The following ERICH3 variants were observed in gnomAD, a reference collection of about 807,000 sequenced individuals.
ERICH3 encodes glutamate rich 3.
ERICH3 carries 126 observed loss-of-function variants against 131.1 expected under a neutral mutation model. The ratio of observed to expected loss-of-function variants is 0.96; its 90% CI spans 0.83 to 1.11. The LOEUF (loss-of-function observed/expected upper bound fraction) is 1.11. Ranked by LOEUF, ERICH3 falls within the 50% of genes most tolerant of loss-of-function variation. The pLI, the probability that ERICH3 is intolerant of heterozygous loss-of-function variation, is 0.00. For missense variants in ERICH3, 2,050 were observed against 1,810.7 expected, an observed-to-expected ratio of 1.13 and a Z score of -2.40; for synonymous variants, 695 against 644.6, an observed-to-expected ratio of 1.08 and a Z score of -1.18.
intron 3 of ERICH3, 96 bp from the exon 4 acceptor site, chr1:74,643,194 A>G: frequency 3.7e-6 from 3 of 809,294 alleles, no homozygotes; most frequent in Admixed American, 2.4e-5. Context: ...TATATTCTCA[A>G]TTAGTCCTCT....
chr1:74,629,727 T>G (rs1423241020), intron 7 of ERICH3, among the ~76,000 whole-genome samples: 1 of 152,154 alleles, frequency 6.6e-6, no homozygotes, highest in South Asian at 2.1e-4. Context: ...TTAAAACTGT[T>G]TAAAAACCAA....
intron 12 of ERICH3, chr1:74,579,432 C>T (rs1470081581): frequency 1.1e-5 from 11 of 985,220 alleles, no homozygotes; most frequent in Non-Finnish European, 1.3e-5. Flanking sequence ...CTTGTAGTCC[C>T]TCTGTCTCAG....
At chr1:74,580,573 T>C (rs1406431287) in intron 12 of ERICH3, among the ~76,000 whole-genome samples, 2 of 152,234 alleles carry the variant, frequency 1.3e-5, no homozygotes, top group Non-Finnish European at 2.9e-5. Flanking sequence ...TGCACTATTT[T>C]CACAATTTCC....
chr1:74,641,537 A>G lies in ERICH3; in HGVS notation c.316-78T>C, dbSNP rs1401397472. On this transcript the variant is annotated intron_variant, in intron 4 of 14. Transcript: ENST00000326665. ...AGATTATGCATGACATGTGCGAAAT[A>G]CTATATGACTAAAGAAATTCTTTCT... is the stretch of plus-strand genomic sequence containing the variant. The G allele has an allele frequency of 3.5e-6, 5 of 1,419,258 alleles. No homozygotes were observed. The East Asian group carries it at 1.2e-4, about 35-fold the overall frequency. 87.9% of individuals were successfully genotyped at this position (1,419,258 alleles called of 1,614,324 possible).
intron 10 of ERICH3, among the ~76,000 whole-genome samples, chr1:74,603,454 C>A (rs1648239289): frequency 6.6e-6 from 1 of 151,814 alleles, no homozygotes; most frequent in African/African-American, 2.4e-5. Flanking sequence ...GTGCACAGTG[C>A]CTAGTTTGGT....
At position 74,591,653 on chromosome 1, in the gene ERICH3, T is replaced by C. The variant is rs368613635; in HGVS notation, c.1727-1573A>G. Among the ~76,000 whole-genome samples, 1,095 of 152,276 alleles carry C rather than the reference T, an allele frequency of 7.2e-3. 11 individuals carry two copies. Among genetic ancestry groups the C allele is most frequent in the African/African-American group, 0.025 (1,018 of 41,548 alleles). Reference sequence around the variant, plus strand: ...TCTAGAAACTTACGGTAGCCACAGCTGGTTTATGTAATACCTAGAAAGGTT... The same window carrying C: ...TCTAGAAACTTACGGTAGCCACAGCCGGTTTATGTAATACCTAGAAAGGTT... On this transcript the variant is annotated intron_variant, in intron 11 of 14. Transcript: ENST00000326665.
At chr1:74,577,826 G>C (rs562099785) in intron 12 of ERICH3, among the ~76,000 whole-genome samples, 1 of 152,068 alleles carries the variant, frequency 6.6e-6, no homozygotes, top group Non-Finnish European at 1.5e-5. Context: ...TTCTAGGAAC[G>C]TGTGCTATGG....
In ERICH3 at chr1:74,636,272, A is replaced by G; in HGVS notation, c.603+8T>C. ...TAAAATATATTTATTGATAAAAATA[A>G]CATTTACCCCAATGGGAAACAGAGC... On this transcript the variant is annotated splice_region_variant and intron_variant, in intron 6 of 14. Transcript: ENST00000326665. 1.9e-6 allele frequency: 3 copies of G among 1,573,262 alleles called. No individual in the cohort carries two copies. The highest frequency in any genetic ancestry group is 2.6e-6 in the Non-Finnish European group (3 of 1,162,750).
intron 8 of ERICH3, among the ~76,000 whole-genome samples, chr1:74,616,229 A>C (rs1301020810): frequency 1.3e-5 from 2 of 152,054 alleles, no homozygotes; most frequent in African/African-American, 2.4e-5. Flanking sequence ...CTTGCTGGCC[A>C]GGCTGGTCTT....
At chr1:74,656,138 A>G (rs1417314480) in intron 1 of ERICH3, among the ~76,000 whole-genome samples, 1 of 152,160 alleles carries the variant, frequency 6.6e-6, no homozygotes, top group East Asian at 1.9e-4. Flanking sequence ...GTTTCCTAGA[A>G]AGAAACTGGC....
chr1:74,568,493 A>G lies in ERICH3; in HGVS notation c.*1965T>C, dbSNP rs1646897345. On this transcript the variant is annotated 3_prime_UTR_variant, in exon 15 of 15. Transcript: ENST00000326665. Reference sequence around the variant, plus strand: ...TTAGAGCTCCACAGTAATACAGCTCAGTAATAAATGAACTTGAATATAATG... The same window carrying G: ...TTAGAGCTCCACAGTAATACAGCTCGGTAATAAATGAACTTGAATATAATG... 6.6e-6 allele frequency: 1 copy of G among 152,198 alleles called. No individual in the cohort carries two copies. Among genetic ancestry groups the G allele is most frequent in the African/African-American group, 2.4e-5 (1 of 41,466 alleles). The allele number at this position is 152,198 out of a possible 1,614,324, so 9.4% of individuals were successfully genotyped here.
chr1:74,661,757 T>TTA (rs1038729420), intron 1 of ERICH3, among the ~76,000 whole-genome samples: 41 of 152,258 alleles, frequency 2.7e-4, no homozygotes, highest in African/African-American at 9.6e-4. Context: ...ATGTCGATAT[T>TTA]TATTAGCCCC....
intron 3 of ERICH3, 106 bp downstream of exon 3, chr1:74,646,561 G>T: frequency 1.4e-6 from 1 of 694,232 alleles, no homozygotes; most frequent in Non-Finnish European, 2.1e-6. Context: ...TATCATATTA[G>T]ACAAAATCAA....
intron 11 of ERICH3, 60 bp downstream of exon 11, chr1:74,599,635 G>A: frequency 7.5e-7 from 1 of 1,329,418 alleles, no homozygotes; most frequent in Non-Finnish European, 1.0e-6. Flanking sequence ...AGAAAACAAA[G>A]AAAAGTAGTA....
chr1:74,615,553 T>A (rs1648918688), intron 8 of ERICH3, among the ~76,000 whole-genome samples: 1 of 152,200 alleles, frequency 6.6e-6, no homozygotes, highest in Admixed American at 6.5e-5. Flanking sequence ...ATATCAAATG[T>A]GTTCTCCTGA....
intron 11 of ERICH3, among the ~76,000 whole-genome samples, chr1:74,594,641 G>A (rs1480159948): frequency 6.6e-6 from 1 of 152,070 alleles, no homozygotes; most frequent in Non-Finnish European, 1.5e-5. Flanking sequence ...TCGCATGAGG[G>A]AAATAGATCC....
At chr1:74,573,737 A>G (rs900892499) in intron 13 of ERICH3, among the ~76,000 whole-genome samples, 5 of 152,172 alleles carry the variant, frequency 3.3e-5, no homozygotes, top group Non-Finnish European at 7.3e-5. Context: ...ACACATTGAT[A>G]TTAAAGAAAA....
At chr1:74,620,250 T>C (rs1275602251) in intron 8 of ERICH3, among the ~76,000 whole-genome samples, 1 of 152,180 alleles carries the variant, frequency 6.6e-6, no homozygotes, top group East Asian at 1.9e-4. Flanking sequence ...AAAGCAAAAA[T>C]GTACTAAAAA....
At chr1:74,598,243 C>T (rs1294191839) in intron 11 of ERICH3, among the ~76,000 whole-genome samples, 1 of 151,706 alleles carries the variant, frequency 6.6e-6, no homozygotes, top group Non-Finnish European at 1.5e-5. Context: ...AAATTTAGTA[C>T]TATTTATTAC....
Sources: gnomAD v4.1 joint callset for allele counts (sites outside exome capture counted in the v4.1 genomes callset) on GRCh38, gnomAD v4.1.1 for gene constraint, MANE v1.5 for transcripts, NCBI Gene and HGNC (gene_info 2026-07-23, HGNC 2026-07-21) for gene names.